Variants in DCTN4 observed in about 807,000 individuals in gnomAD.
The protein encoded by DCTN4 is dynactin subunit 4.
In DCTN4, 23 loss-of-function variants were observed where a neutral mutation model predicts 62.7. That is an observed-to-expected ratio of 0.37 (90% CI 0.26 to 0.52). The LOEUF is 0.52. DCTN4 is among the 20% of genes least tolerant of loss of function. DCTN4 has a pLI of 0.92. For synonymous variants in DCTN4, 199 were observed against 202.1 expected (o/e 0.98, Z 0.13); for missense variants, 514 against 580.4 (o/e 0.89, Z 1.18).
intron 4 of DCTN4, among the ~76,000 whole-genome samples, chr5:150,736,979 C>A (rs577670423): frequency 9.9e-5 from 15 of 152,096 alleles, no homozygotes; most frequent in African/African-American, 3.6e-4. Flanking sequence ...TTATATCAGA[C>A]AAAACAGACT....
intron 5 of DCTN4, chr5:150,731,876 G>C: frequency 6.4e-7 from 1 of 1,551,554 alleles, no homozygotes; most frequent in Non-Finnish European, 8.7e-7. Context: ...AATCATAAAG[G>C]AGAACTTACC....
chr5:150,749,403 G>A (rs905586453), intron 3 of DCTN4, among the ~76,000 whole-genome samples: 1 of 152,210 alleles, frequency 6.6e-6, no homozygotes, highest in African/African-American at 2.4e-5. Flanking sequence ...AAGTACTGCT[G>A]TACATGTGCT....
chr5:150,730,583 T>C lies in DCTN4; in HGVS notation c.834+48A>G, dbSNP rs767172337. ...AGTCAGACACCAGCCACATTTATTT[T>C]TGCTTTCCTCTTGTACAAATGGTCA... On this transcript the variant is annotated intron_variant, in intron 8 of 12. Transcript: ENST00000447998. 94 of 1,530,234 alleles carry C rather than the reference T, an allele frequency of 6.1e-5. 1 individual carries two copies. The highest frequency in any genetic ancestry group is 2.7e-6 in the Non-Finnish European group (3 of 1,107,742). The allele number at this position is 1,530,234 out of a possible 1,614,324, so 94.8% of individuals were successfully genotyped here. A position where few individuals can be genotyped will look rare whatever the true frequency, so the allele number is the denominator to read the frequency against.
At chr5:150,758,738 T>A (rs938305701) in intron 1 of DCTN4, 121 bp downstream of exon 1, 58 of 1,428,694 alleles carry the variant, frequency 4.1e-5, no homozygotes, top group Non-Finnish European at 4.7e-5. Context: ...CAAACCCGAG[T>A]GACGGAAGAC....
At chr5:150,727,998 C>T (rs1561695538) in intron 8 of DCTN4, among the ~76,000 whole-genome samples, 2 of 151,930 alleles carry the variant, frequency 1.3e-5, no homozygotes, top group Non-Finnish European at 2.9e-5. Flanking sequence ...AATCCTTATC[C>T]TTTGATTTTT....
At chr5:150,757,333 CT>C (rs1752898695) in intron 1 of DCTN4, among the ~76,000 whole-genome samples, 1 of 152,166 alleles carries the variant, frequency 6.6e-6, no homozygotes, top group Non-Finnish European at 1.5e-5. Context: ...CAAGTCATTC[CT>C]TTTTGCCCCC....
intron 2 of DCTN4, among the ~76,000 whole-genome samples, 174 bp downstream of exon 2, chr5:150,756,243 A>C (rs1222308829): frequency 6.6e-6 from 1 of 152,028 alleles, no homozygotes; most frequent in Admixed American, 6.6e-5. Context: ...GGGTTTCGCC[A>C]TGTTAGCCAG....
intron 9 of DCTN4, among the ~76,000 whole-genome samples, chr5:150,720,427 C>T (rs1307861666): frequency 2.6e-5 from 4 of 151,826 alleles, no homozygotes; most frequent in Non-Finnish European, 5.9e-5. Flanking sequence ...TTTAAAGACC[C>T]CACTTCTAAG....
In DCTN4 at chr5:150,740,995, T is replaced by C. The variant is rs374817670; in HGVS notation, c.429+1119A>G. Among the ~76,000 whole-genome samples, 10 of 152,048 alleles carry C rather than the reference T, an allele frequency of 6.6e-5. No homozygotes were observed. The East Asian group carries it at 7.7e-4, about 12-fold the overall frequency. On this transcript the variant is annotated intron_variant, in intron 4 of 12. Coordinates refer to ENST00000447998, the MANE Select transcript of DCTN4 (RefSeq NM_016221.4). ...ACACCAAAATCTCAGAAATCACCAC[T>C]GAATAATTTATCCATGTAAGCAAAC...
rs1031141396 is a variant in DCTN4 at position 150,727,794 on chromosome 5, A to C, written c.834+2837T>G. ...CCGTCTCAAAAAAAAAAAAAAAAAA[A>C]AAACAAAAAACCCAATAAGCTTCCT... On this transcript the variant is annotated intron_variant, in intron 8 of 12. Coordinates refer to ENST00000447998, the MANE Select transcript of DCTN4 (RefSeq NM_016221.4). Among the ~76,000 whole-genome samples the C allele has an allele frequency of 8.6e-5, 11 of 128,642 alleles. No homozygotes were observed. In the East Asian group the frequency reaches 1.4e-3, roughly 16 times the overall value. 84.4% of individuals were successfully genotyped at this position (128,642 alleles called of 152,430 possible). A position where few individuals can be genotyped will look rare whatever the true frequency, so the allele number is the denominator to read the frequency against.
Position 150,722,900 on chromosome 5 carries a change from T to C in DCTN4, c.908+7A>G, listed in dbSNP as rs1195070584. 1 of 1,609,530 alleles carries C rather than the reference T, an allele frequency of 6.2e-7. No homozygotes were observed. The highest frequency in any genetic ancestry group is 8.5e-7 in the Non-Finnish European group (1 of 1,177,354). On this transcript the variant is annotated splice_region_variant and intron_variant, in intron 9 of 12. Transcript: ENST00000447998. Reference sequence around the variant, plus strand: ...GTAACTGAAAACACCAATCCCAAAATACTTACACAGCGACCAGCTGGATTT... The same window carrying C: ...GTAACTGAAAACACCAATCCCAAAACACTTACACAGCGACCAGCTGGATTT...
At chr5:150,735,041 C>T (rs1197479386) in intron 4 of DCTN4, among the ~76,000 whole-genome samples, 1 of 152,208 alleles carries the variant, frequency 6.6e-6, no homozygotes, top group Non-Finnish European at 1.5e-5. Flanking sequence ...TCTTTCTCTA[C>T]CTGCCCTGGT....
At chr5:150,718,417 G>T (rs750185693) in intron 10 of DCTN4, 34 bp from the exon 11 acceptor site, 11 of 1,504,278 alleles carry the variant, frequency 7.3e-6, no homozygotes, top group Non-Finnish European at 1.8e-6. Context: ...TCAGACATTC[G>T]CCACTTTCTT....
At chr5:150,740,627 C>T (rs112450937) in intron 4 of DCTN4, among the ~76,000 whole-genome samples, 1 of 152,120 alleles carries the variant, frequency 6.6e-6, no homozygotes, top group African/African-American at 2.4e-5. Context: ...CAATTCACAG[C>T]CGCAAAAATA....
At chr5:150,731,888 C>T (rs1055862573) in intron 5 of DCTN4, 2 of 1,551,692 alleles carry the variant, frequency 1.3e-6, no homozygotes, top group South Asian at 2.4e-5. Flanking sequence ...GAACTTACCA[C>T]TACATGAATA....
At chr5:150,734,234 G>C (rs1760492578) in intron 4 of DCTN4, 1 of 152,132 alleles carries the variant, frequency 6.6e-6, no homozygotes, top group Non-Finnish European at 1.5e-5. Flanking sequence ...AAAACTGAAA[G>C]AATTCACAGA....
chr5:150,727,348 T>C (rs1443714860), intron 8 of DCTN4, among the ~76,000 whole-genome samples: 3 of 152,230 alleles, frequency 2.0e-5, no homozygotes, highest in African/African-American at 7.2e-5. Context: ...CTTCCAGACA[T>C]GTTTCCTATA....
intron 1 of DCTN4, among the ~76,000 whole-genome samples, chr5:150,757,418 C>A (rs1752901468): frequency 6.6e-6 from 1 of 152,188 alleles, no homozygotes; most frequent in Non-Finnish European, 1.5e-5. Context: ...CTGCCTGCCC[C>A]AGCCCTCAGA....
intron 8 of DCTN4, among the ~76,000 whole-genome samples, chr5:150,726,315 C>G (rs1489652788): frequency 6.6e-6 from 1 of 152,194 alleles, no homozygotes; most frequent in African/African-American, 2.4e-5. Flanking sequence ...AACCCCACAA[C>G]TGAGCGGAGC....
Sources: gnomAD v4.1 joint callset for allele counts (sites outside exome capture counted in the v4.1 genomes callset) on GRCh38, gnomAD v4.1.1 for gene constraint, MANE v1.5 for transcripts, NCBI Gene and HGNC (gene_info 2026-07-23, HGNC 2026-07-21) for gene names.